The following CALD1 variants were observed in gnomAD, a reference collection of about 807,000 sequenced individuals.
CALD1 encodes the protein caldesmon 1, also known as caldesmon.
In CALD1, 33 loss-of-function variants were observed where a neutral mutation model predicts 99.9. That is an observed-to-expected ratio of 0.33 (90% CI 0.25 to 0.44). The LOEUF (loss-of-function observed/expected upper bound fraction) is 0.44, where lower values mean the gene tolerates loss of function less well. CALD1 is among the 20% of genes least tolerant of loss of function. The pLI is 1.00. For missense variants in CALD1, 861 were observed against 962.1 expected (o/e 0.89, Z 1.39); for synonymous variants, 310 against 325.0 (o/e 0.95, Z 0.50).
At chr7:134,954,969 C>G (rs1476129648) in intron 9 of CALD1, among the ~76,000 whole-genome samples, 2 of 152,192 alleles carry the variant, frequency 1.3e-5, no homozygotes, top group Non-Finnish European at 1.5e-5. Flanking sequence ...TTCTCCACCT[C>G]CCCCAGATAG....
intron 7 of CALD1, among the ~76,000 whole-genome samples, chr7:134,943,592 T>C (rs1490241119): frequency 6.6e-6 from 1 of 152,208 alleles, no homozygotes; most frequent in Non-Finnish European, 1.5e-5. Flanking sequence ...TTTTGATTTT[T>C]TATTTTTGAA....
At chr7:134,796,833 G>A (rs745794852) in intron 1 of CALD1, among the ~76,000 whole-genome samples, 1 of 152,116 alleles carries the variant, frequency 6.6e-6, no homozygotes, top group African/African-American at 2.4e-5. Context: ...GTGATCCTCT[G>A]CCTCAGTTTC....
At chr7:134,928,728 A>C in intron 3 of CALD1, 26 bp from the exon 4 acceptor site, 1 of 1,609,752 alleles carries the variant, frequency 6.2e-7, no homozygotes. Flanking sequence ...TGGCACGCTC[A>C]AGAGGTTGTC....
In CALD1 at chr7:134,918,601, T is replaced by C. The variant is rs891143760; in HGVS notation, c.72-10153T>C. 4.6e-5 allele frequency among the ~76,000 whole-genome samples: 7 copies of C among 152,206 alleles called. No individual in the cohort carries two copies. The South Asian group carries it at 6.2e-4, about 14-fold the overall frequency. On this transcript the variant is annotated intron_variant, in intron 3 of 14. Transcript: ENST00000361675. ...TTATTTGGAGGCATATAAAAAGAGA[T>C]AGGGATGCGATTGAAGAGGAGCACA... is the stretch of plus-strand genomic sequence containing the variant.
chr7:134,859,269 G>C (rs1189639128), intron 2 of CALD1, among the ~76,000 whole-genome samples: 1 of 152,134 alleles, frequency 6.6e-6, no homozygotes, highest in East Asian at 1.9e-4. Context: ...CTGTTAGTCA[G>C]GCATACATTT....
chr7:134,792,503 G>A (rs1427248843), intron 1 of CALD1, among the ~76,000 whole-genome samples: 1 of 151,838 alleles, frequency 6.6e-6, no homozygotes, highest in Non-Finnish European at 1.5e-5. Context: ...TGTTGGGCAG[G>A]CTGGTCTCGA....
Position 134,941,165 on chromosome 7 carries a change from G to A in CALD1, c.1460G>A (p.Gly487Glu), listed in dbSNP as rs1009205152. The A allele has an allele frequency of 1.2e-6, 2 of 1,612,736 alleles. No individual in the cohort carries two copies. Among genetic ancestry groups the A allele is most frequent in the African/African-American group, 2.7e-5 (2 of 74,820 alleles). Residue 487 changes from glycine (G) to glutamate (E), a missense_variant, in exon 7 of 15, where the codon GGA becomes GAA. Physicochemically the swap from Gly to Glu is moderately conservative, Grantham distance 98 (BLOSUM62 -2). Transcript: ENST00000361675. ...EVKSFMDRKK[G>E]FTEVKSQNGE... ...AAGAGCTTCATGGATCGAAAGAAGG[G>A]ATTTACAGAAGTTAAGTCGCAGAAT...
chr7:134,733,763 C>T, the CALD1 span, among the ~76,000 whole-genome samples: 12 of 150,032 alleles, frequency 8.0e-5, no homozygotes, highest in Admixed American at 6.0e-4. Flanking sequence ...GAGCTGAGAT[C>T]GCACCACTGC....
intron 3 of CALD1, among the ~76,000 whole-genome samples, chr7:134,900,445 C>T (rs1040932310): frequency 6.6e-6 from 1 of 152,104 alleles, no homozygotes; most frequent in South Asian, 2.1e-4. Context: ...TTTTAAAGAG[C>T]AGCTGGTTGT....
the CALD1 span, among the ~76,000 whole-genome samples, chr7:134,711,714 GTGTGTGTGTGT>G: frequency 7.7e-6 from 1 of 130,494 alleles, no homozygotes; most frequent in Admixed American, 8.1e-5. Flanking sequence ...GTGTGTGTGT[GTGTGTGTGTGT>G]GTCTCTCTCT....
chr7:134,879,021 C>A (rs1440384178), intron 3 of CALD1, among the ~76,000 whole-genome samples: 1 of 152,126 alleles, frequency 6.6e-6, no homozygotes, highest in Non-Finnish European at 1.5e-5. Context: ...TATATTGAAC[C>A]TCTCTCTTTT....
chr7:134,773,782 C>CTGTGTGTGTG (rs36104737), intron 1 of CALD1, among the ~76,000 whole-genome samples: 72 of 138,736 alleles, frequency 5.2e-4, no homozygotes, highest in African/African-American at 1.6e-3. Context: ...AACCTCTCTT[C>CTGTGTGTGTG]TGTGTGTGTG....
intron 1 of CALD1, among the ~76,000 whole-genome samples, chr7:134,780,986 T>A (rs1038114716): frequency 4.6e-5 from 7 of 152,180 alleles, no homozygotes; most frequent in African/African-American, 1.7e-4. Context: ...GGGTTGAGAT[T>A]CATTAAATAA....
chr7:134,903,709 G>A (rs1486929894), intron 3 of CALD1, among the ~76,000 whole-genome samples: 1 of 151,968 alleles, frequency 6.6e-6, no homozygotes, highest in East Asian at 1.9e-4. Flanking sequence ...GTCCCCTTTT[G>A]ATAAGGACAT....
At chr7:134,800,227 A>G (rs776798201) in intron 1 of CALD1, among the ~76,000 whole-genome samples, 19 of 152,314 alleles carry the variant, frequency 1.2e-4, no homozygotes, top group Middle Eastern at 6.8e-3. Flanking sequence ...GCTAGATTTT[A>G]CAATGAAACA....
chr7:134,919,286 C>T (rs1371224013), intron 3 of CALD1, among the ~76,000 whole-genome samples: 1 of 152,142 alleles, frequency 6.6e-6, no homozygotes, highest in Non-Finnish European at 1.5e-5. Flanking sequence ...GCCTTCTAAC[C>T]ATACAGGACC....
intron 1 of CALD1, among the ~76,000 whole-genome samples, chr7:134,759,734 G>A (rs1158882647): frequency 2.0e-5 from 3 of 152,180 alleles, no homozygotes. Flanking sequence ...CATGTGCCAA[G>A]AACTAGTGCT....
At chr7:134,907,275 G>A (rs1803458235) in intron 3 of CALD1, among the ~76,000 whole-genome samples, 1 of 152,056 alleles carries the variant, frequency 6.6e-6, no homozygotes, top group African/African-American at 2.4e-5. Flanking sequence ...AAAAAAACCA[G>A]GTTTAACTGT....
At chr7:134,959,710 A>C (rs1471057329) in intron 11 of CALD1, among the ~76,000 whole-genome samples, 1 of 152,172 alleles carries the variant, frequency 6.6e-6, no homozygotes, top group Non-Finnish European at 1.5e-5. Context: ...AACGAAGTAG[A>C]ATATCAATTT....
Sources: allele counts gnomAD v4.1 joint callset (sites outside exome capture counted in the v4.1 genomes callset), GRCh38; gene constraint gnomAD v4.1.1; transcripts MANE v1.5; gene names NCBI Gene and HGNC (gene_info 2026-07-23, HGNC 2026-07-21).